CPNE4: variants seen among roughly 807,000 people sequenced by gnomAD.
CPNE4 encodes the protein copine-4.
A neutral mutation model predicts 67.9 loss-of-function variants in CPNE4; 25 were observed. The ratio of observed to expected loss-of-function variants is 0.37; its 90% CI spans 0.27 to 0.51. CPNE4 has a LOEUF of 0.51. Among genes scored for constraint, CPNE4 ranks in the 20% least tolerant of loss-of-function variants. The pLI, the probability that CPNE4 is intolerant of heterozygous loss-of-function variation, is 0.93. For synonymous variants in CPNE4, 242 were observed against 244.9 expected (o/e 0.99, Z 0.11); for missense variants, 464 against 690.8 (o/e 0.67, Z 3.68).
intron 2 of CPNE4, among the ~76,000 whole-genome samples, chr3:131,892,270 T>A (rs2088146263): frequency 6.6e-6 from 1 of 152,144 alleles, no homozygotes; most frequent in African/African-American, 2.4e-5. Flanking sequence ...CCAGCTTAAC[T>A]ACCTCTTACC....
intron 2 of CPNE4, among the ~76,000 whole-genome samples, chr3:131,824,841 A>G (rs901222449): frequency 1.3e-5 from 2 of 152,028 alleles, no homozygotes; most frequent in African/African-American, 4.8e-5. Context: ...TGGACAGCAA[A>G]TTGGGGAGCA....
intron 1 of CPNE4, among the ~76,000 whole-genome samples, chr3:131,927,476 G>A (rs1328867639): frequency 1.6e-5 from 2 of 124,338 alleles, no homozygotes; most frequent in Admixed American, 8.1e-5. Context: ...AATTACTACT[G>A]TCATGACATC....
At chr3:131,952,445 A>C (rs1472346877) in intron 1 of CPNE4, among the ~76,000 whole-genome samples, 1 of 136,788 alleles carries the variant, frequency 7.3e-6, no homozygotes, top group African/African-American at 2.5e-5. Context: ...GTCTCCGCCC[A>C]GCAGCCACCC....
At chr3:131,756,787 T>G (rs2082761271) in intron 2 of CPNE4, among the ~76,000 whole-genome samples, 1 of 152,186 alleles carries the variant, frequency 6.6e-6, no homozygotes, top group Admixed American at 6.5e-5. Context: ...CAACTTGGAT[T>G]GTATCTCCCA....
chr3:131,902,066 C>T (rs937664504), intron 2 of CPNE4, among the ~76,000 whole-genome samples: 4 of 117,476 alleles, frequency 3.4e-5, no homozygotes, highest in African/African-American at 1.3e-4. Context: ...ACCTGGCATG[C>T]ACTTTGGTTT....
rs141095209 is a variant in CPNE4, at chr3:131,619,521, C to T, written c.682-31939G>A. Reference sequence around the variant, plus strand: ...CTTTGTGTGCGGTGAAATGCACACACGATTCCATTCAACTCTCCAACCAAT... The same window carrying T: ...CTTTGTGTGCGGTGAAATGCACACATGATTCCATTCAACTCTCCAACCAAT... On this transcript the variant is annotated intron_variant, in intron 7 of 15. Transcript: ENST00000429747. Among the ~76,000 whole-genome samples, 52 of 152,244 alleles carry T rather than the reference C, an allele frequency of 3.4e-4. 1 individual carries two copies. Among genetic ancestry groups the T allele is most frequent in the South Asian group, 4.2e-4 (2 of 4,806 alleles).
rs115937361 is a variant in CPNE4 at position 131,706,790 on chromosome 3, G to A, written c.361-6810C>T. 6.6e-5 allele frequency among the ~76,000 whole-genome samples: 10 copies of A among 152,210 alleles called. No homozygotes were observed. In the South Asian group the frequency reaches 1.0e-3, roughly 16 times the overall value. ...TCACCAACCCCGTATCTTAATCCAG[G>A]CATTCGTTTCTATTGATTCCAAGTC... On this transcript the variant is annotated intron_variant, in intron 3 of 15. Coordinates refer to ENST00000429747, the MANE Select transcript of CPNE4 (RefSeq NM_130808.3).
At chr3:131,574,947 G>A in intron 10 of CPNE4, 124 bp downstream of exon 10, 1 of 762,850 alleles carries the variant, frequency 1.3e-6, no homozygotes, top group East Asian at 2.7e-5. Context: ...TCAACAATGA[G>A]ACTTGAACAA....
intron 1 of CPNE4, among the ~76,000 whole-genome samples, chr3:131,907,251 G>A (rs2088808271): frequency 3.3e-5 from 5 of 152,222 alleles, no homozygotes; most frequent in Admixed American, 3.3e-4. Flanking sequence ...CTTGCTTATG[G>A]AATTCTGTTT....
At chr3:131,877,456 A>G in intron 2 of CPNE4, among the ~76,000 whole-genome samples, 1 of 152,104 alleles carries the variant, frequency 6.6e-6, no homozygotes, top group Non-Finnish European at 1.5e-5. Context: ...TTTGTTTAAG[A>G]TCCTCTAGCC....
intron 1 of CPNE4, among the ~76,000 whole-genome samples, chr3:131,961,532 G>A (rs531172063): frequency 7.2e-5 from 11 of 152,254 alleles, no homozygotes; most frequent in African/African-American, 2.2e-4. Context: ...TCTGTGACCC[G>A]AATGGTCAGT....
intron 2 of CPNE4, among the ~76,000 whole-genome samples, chr3:131,789,041 G>C (rs755253195): frequency 0.02 from 2,371 of 116,030 alleles, 20 homozygotes; most frequent in Non-Finnish European, 0.023. Context: ...CACACAGAGA[G>C]AGAGAGAGAG....
chr3:131,732,744 TTTGA>T (rs1437867212), intron 2 of CPNE4, among the ~76,000 whole-genome samples: 2 of 152,238 alleles, frequency 1.3e-5, no homozygotes, highest in African/African-American at 4.8e-5. Context: ...CTGCTGGAAC[TTTGA>T]TTGATTCCTT....
intron 2 of CPNE4, among the ~76,000 whole-genome samples, chr3:131,882,905 G>C (rs1458080967): frequency 6.6e-6 from 1 of 151,840 alleles, no homozygotes; most frequent in Non-Finnish European, 1.5e-5. Context: ...TTTTAATAGA[G>C]ATGGGGTTTC....
chr3:131,876,286 G>T (rs893025236), intron 2 of CPNE4, among the ~76,000 whole-genome samples: 1 of 144,768 alleles, frequency 6.9e-6, no homozygotes, highest in Admixed American at 6.9e-5. Flanking sequence ...AAATAAATAC[G>T]AATACAACCA....
intron 1 of CPNE4, among the ~76,000 whole-genome samples, chr3:131,949,979 CT>C (rs1327602689): frequency 1.3e-5 from 2 of 152,044 alleles, no homozygotes; most frequent in Admixed American, 6.6e-5. Flanking sequence ...ATAATGAATA[CT>C]TTTATACATA....
chr3:131,866,985 A>C (rs533846986), intron 2 of CPNE4, among the ~76,000 whole-genome samples: 3 of 152,328 alleles, frequency 2.0e-5, no homozygotes, highest in East Asian at 1.9e-4. Flanking sequence ...AGGCCAAAAC[A>C]GGAATAAGAC....
At chr3:131,600,758 C>A (rs977734697) in intron 7 of CPNE4, among the ~76,000 whole-genome samples, 4 of 152,152 alleles carry the variant, frequency 2.6e-5, no homozygotes, top group African/African-American at 9.7e-5. Flanking sequence ...TTCCTCTAAT[C>A]CTGAAACTCA....
chr3:131,589,178 C>T (rs987302109), intron 7 of CPNE4, among the ~76,000 whole-genome samples: 3 of 152,130 alleles, frequency 2.0e-5, no homozygotes, highest in African/African-American at 7.2e-5. Flanking sequence ...AGGCCATCTG[C>T]AAGCTGGGAA....
Sources: gnomAD v4.1 joint callset for allele counts (sites outside exome capture counted in the v4.1 genomes callset) on GRCh38, gnomAD v4.1.1 for gene constraint, MANE v1.5 for transcripts, NCBI Gene and HGNC (gene_info 2026-07-23, HGNC 2026-07-21) for gene names.